The following SEC23A variants were observed in gnomAD, a reference collection of about 807,000 sequenced individuals.
The protein encoded by SEC23A is protein transport protein Sec23A.
SEC23A carries 56 observed loss-of-function variants against 103.7 expected under a neutral mutation model. That is an observed-to-expected ratio of 0.54 (90% confidence interval 0.44 to 0.67). SEC23A has a LOEUF of 0.67. SEC23A is among the 30% of genes least tolerant of loss of function. SEC23A has a pLI of 0.00. For missense variants in SEC23A, 784 were observed against 936.4 expected, an observed-to-expected ratio of 0.84 and a Z score of 2.12; for synonymous variants, 281 against 293.0, an observed-to-expected ratio of 0.96 and a Z score of 0.42.
At chr14:39,057,896 A>G (rs1341106207) in intron 13 of SEC23A, among the ~76,000 whole-genome samples, 1 of 152,260 alleles carries the variant, frequency 6.6e-6, no homozygotes, top group Non-Finnish European at 1.5e-5. Context: ...ATCATTAGTG[A>G]TAAAAATCAA....
chr14:39,065,321 C>T (rs935425593), intron 10 of SEC23A, among the ~76,000 whole-genome samples: 2 of 152,008 alleles, frequency 1.3e-5, no homozygotes, highest in Non-Finnish European at 2.9e-5. Context: ...TCTATTTTTC[C>T]TCCCATAGAA....
intron 18 of SEC23A, 72 bp from the exon 19 acceptor site, chr14:39,039,168 C>A: frequency 8.4e-7 from 1 of 1,192,982 alleles, no homozygotes; most frequent in Non-Finnish European, 1.2e-6. Context: ...ATAATTATAT[C>A]ATGCAAAATC....
intron 19 of SEC23A, among the ~76,000 whole-genome samples, chr14:39,038,516 T>C (rs918717181): frequency 1.0e-4 from 15 of 146,828 alleles, no homozygotes; most frequent in African/African-American, 3.7e-4. Context: ...AGGTTAACAC[T>C]TTTTTTTTTT....
At position 39,094,438 on chromosome 14, in the gene SEC23A, ATATATTTT is replaced by A. The variant is rs1339547389; in HGVS notation, c.222-1202_222-1195del. Reference sequence around the variant, plus strand: ...TATATATATATATATATATATATATATATATTTTTTTTTTTTTTTTTTCCCCTCCTGTA... The same window carrying A: ...TATATATATATATATATATATATATATTTTTTTTTTTTTTCCCCTCCTGTA... On this transcript the variant is annotated intron_variant, in intron 2 of 19. Transcript: ENST00000307712. Among the ~76,000 whole-genome samples the A allele has an allele frequency of 7.2e-3, 113 of 15,672 alleles. 16 individuals are homozygous for A. The highest frequency in any genetic ancestry group is 0.013 in the South Asian group (7 of 522). 10.3% of individuals were successfully genotyped at this position (15,672 alleles called of 152,430 possible).
intron 9 of SEC23A, among the ~76,000 whole-genome samples, chr14:39,073,270 G>T (rs1283393577): frequency 6.6e-6 from 1 of 152,072 alleles, no homozygotes; most frequent in African/African-American, 2.4e-5. Flanking sequence ...CTGAGTAAAA[G>T]AAACCAATCA....
chr14:39,073,638 C>T (rs1485048596), intron 9 of SEC23A, among the ~76,000 whole-genome samples: 2 of 114,732 alleles, frequency 1.7e-5, no homozygotes, highest in Non-Finnish European at 3.3e-5. Context: ...GAGACGGAGT[C>T]TAACTCTATC....
At chr14:39,053,920 C>CCT (rs1886154480) in intron 14 of SEC23A, among the ~76,000 whole-genome samples, 2 of 151,966 alleles carry the variant, frequency 1.3e-5, no homozygotes, top group East Asian at 3.9e-4. Flanking sequence ...GGTGCTTGAG[C>CCT]ATAGCAGTTT....
At chr14:39,047,635 C>T (rs1885889966) in intron 15 of SEC23A, among the ~76,000 whole-genome samples, 1 of 152,194 alleles carries the variant, frequency 6.6e-6, no homozygotes, top group Non-Finnish European at 1.5e-5. Context: ...AAAAGGCCAC[C>T]TCCTCCTTCA....
chr14:39,043,576 A>G (rs893843663), intron 16 of SEC23A, among the ~76,000 whole-genome samples: 1 of 152,210 alleles, frequency 6.6e-6, no homozygotes, highest in Non-Finnish European at 1.5e-5. Flanking sequence ...CAAAGATTAA[A>G]GCACAAAGAT....
At position 39,096,001 on chromosome 14, in the gene SEC23A, C is replaced by G. The variant is rs766386384; in HGVS notation, c.118G>C (p.Ala40Pro). The change falls in exon 2 of 20, where the codon GCC becomes CCC. Residue 40 changes from alanine (A) to proline (P), a missense_variant. By Grantham distance (27) the Ala-to-Pro change is conservative. Transcript: ENST00000307712. ...EATRMVVPVAALFTPLKERPD... is the reference protein window; with the variant it reads ...EATRMVVPVAPLFTPLKERPD... ...CTCTCTTTCAGTGGTGTAAACAGGG[C>G]TGCCACAGGAACAACCATTCTTGTA... is the stretch of plus-strand genomic sequence containing the variant. The G allele has an allele frequency of 5.0e-6, 8 of 1,613,970 alleles. No homozygotes were observed. In the Admixed American group the frequency reaches 1.2e-4, roughly 24 times the overall value.
intron 14 of SEC23A, 66 bp downstream of exon 14, chr14:39,055,077 C>G: frequency 1.3e-6 from 2 of 1,586,674 alleles, no homozygotes; most frequent in Non-Finnish European, 8.7e-7. Flanking sequence ...AAGAGATTAT[C>G]TGCAACAAAC....
intron 17 of SEC23A, among the ~76,000 whole-genome samples, chr14:39,041,696 C>G (rs557749435): frequency 6.6e-6 from 1 of 151,810 alleles, no homozygotes; most frequent in Non-Finnish European, 1.5e-5. Flanking sequence ...ATGGTGAAAA[C>G]CTGTCTCTAC....
intron 17 of SEC23A, 154 bp from the exon 18 acceptor site, chr14:39,041,041 G>A: frequency 1.5e-6 from 1 of 689,164 alleles, no homozygotes; most frequent in East Asian, 3.1e-5. Context: ...TTTCAGTAGA[G>A]AAAATATTCT....
At chr14:39,061,222 C>A (rs530814543) in intron 13 of SEC23A, among the ~76,000 whole-genome samples, 4 of 152,094 alleles carry the variant, frequency 2.6e-5, no homozygotes, top group East Asian at 1.9e-4. Flanking sequence ...TTACCACAGA[C>A]AATGTGAGGA....
intron 9 of SEC23A, among the ~76,000 whole-genome samples, chr14:39,071,353 C>G (rs1452826711): frequency 1.3e-5 from 2 of 152,164 alleles, no homozygotes; most frequent in Non-Finnish European, 2.9e-5. Flanking sequence ...AATCCCAGCT[C>G]TCTTTGGTAG....
At chr14:39,043,707 A>G (rs982099191) in intron 16 of SEC23A, among the ~76,000 whole-genome samples, 2 of 152,200 alleles carry the variant, frequency 1.3e-5, no homozygotes, top group East Asian at 3.8e-4. Context: ...AGACTGAGAA[A>G]GAACGGTGAG....
Position 39,062,779 on chromosome 14 carries a change from C to G in SEC23A, c.1398+545G>C, listed in dbSNP as rs530541095. 7.2e-5 allele frequency among the ~76,000 whole-genome samples: 11 copies of G among 152,062 alleles called. No individual in the cohort carries two copies. The South Asian group carries it at 2.3e-3, about 32-fold the overall frequency. ...AGCTGACTGTTAATATTTTGTGGTT[C>G]ATTTTATGGCTAAAAACTATTAATA... On this transcript the variant is annotated intron_variant, in intron 12 of 19. Coordinates refer to ENST00000307712, the MANE Select transcript of SEC23A (RefSeq NM_006364.4).
intron 14 of SEC23A, among the ~76,000 whole-genome samples, chr14:39,049,601 A>G (rs1274124102): frequency 1.3e-5 from 2 of 151,738 alleles, no homozygotes; most frequent in African/African-American, 4.8e-5. Flanking sequence ...ACATAGCGAG[A>G]TCCTGTCTCT....
intron 18 of SEC23A, chr14:39,039,792 T>G (rs1025930308): frequency 2.0e-5 from 3 of 152,218 alleles, no homozygotes; most frequent in African/African-American, 7.2e-5. Flanking sequence ...ATCCCACTCC[T>G]GTATTTACTG....
Sources: gnomAD v4.1 joint callset for allele counts (sites outside exome capture counted in the v4.1 genomes callset) on GRCh38, gnomAD v4.1.1 for gene constraint, MANE v1.5 for transcripts, NCBI Gene and HGNC (gene_info 2026-07-23, HGNC 2026-07-21) for gene names.